ADK: variants seen among roughly 807,000 people sequenced by gnomAD.
ADK encodes adenosine kinase, also known as N6,N6-dimethyladenosine kinase.
ADK carries 24 observed loss-of-function variants against 44.7 expected under a neutral mutation model. The ratio of observed to expected loss-of-function variants is 0.54; its 90% CI spans 0.39 to 0.76. The LOEUF is 0.76. ADK is among the 30% of genes least tolerant of loss of function. ADK has a pLI of 0.00. For missense variants in ADK, 321 were observed against 425.1 expected, an observed-to-expected ratio of 0.76 and a Z score of 2.15; for synonymous variants, 128 against 142.6, an observed-to-expected ratio of 0.90 and a Z score of 0.73.
At chr10:74,662,989 G>A (rs532060263) in intron 9 of ADK, among the ~76,000 whole-genome samples, 282 of 152,100 alleles carry the variant, frequency 1.9e-3, no homozygotes, top group African/African-American at 6.5e-3. Context: ...AGCACTTTGG[G>A]AGGCCAAGGT....
At chr10:74,280,319 G>A (rs1335895690) in intron 3 of ADK, among the ~76,000 whole-genome samples, 2 of 151,772 alleles carry the variant, frequency 1.3e-5, no homozygotes, top group Non-Finnish European at 2.9e-5. Context: ...AGCCAGGATG[G>A]TATGGATCTC....
At chr10:74,621,687 G>A in intron 9 of ADK, among the ~76,000 whole-genome samples, 1 of 151,826 alleles carries the variant, frequency 6.6e-6, no homozygotes, top group South Asian at 2.1e-4. Context: ...TTTTGTTTTT[G>A]TTCGGTTTGG....
At chr10:74,435,836 T>C (rs757460216) in intron 6 of ADK, among the ~76,000 whole-genome samples, 3 of 152,072 alleles carry the variant, frequency 2.0e-5, no homozygotes, top group Non-Finnish European at 2.9e-5. Flanking sequence ...AAAAATAAAA[T>C]GAAATATTTT....
intron 1 of ADK, chr10:74,176,859 A>T: frequency 6.2e-7 from 1 of 1,608,572 alleles, no homozygotes; most frequent in Non-Finnish European, 8.5e-7. Flanking sequence ...GGCGCTGGGC[A>T]GGAGGGCGAA....
At chr10:74,358,175 T>G (rs1842207670) in intron 4 of ADK, among the ~76,000 whole-genome samples, 1 of 152,240 alleles carries the variant, frequency 6.6e-6, no homozygotes, top group African/African-American at 2.4e-5. Context: ...TTATTTCATA[T>G]CTTTATACTC....
At chr10:74,182,574 G>A (rs1842600176) in intron 1 of ADK, among the ~76,000 whole-genome samples, 1 of 152,008 alleles carries the variant, frequency 6.6e-6, no homozygotes, top group African/African-American at 2.4e-5. Flanking sequence ...TCATCGTATT[G>A]GTCAGGCTGG....
At chr10:74,517,869 C>G (rs571884772) in intron 6 of ADK, among the ~76,000 whole-genome samples, 1 of 152,128 alleles carries the variant, frequency 6.6e-6, no homozygotes, top group African/African-American at 2.4e-5. Flanking sequence ...TAGCTTTCTT[C>G]TTTTAGTAAT....
At chr10:74,429,065 A>G (rs1293570475) in intron 6 of ADK, among the ~76,000 whole-genome samples, 1 of 152,180 alleles carries the variant, frequency 6.6e-6, no homozygotes. Context: ...GGATAAAGGT[A>G]TTTTCTGTGT....
At chr10:74,191,755 A>G (rs1201607807) in intron 1 of ADK, among the ~76,000 whole-genome samples, 3 of 152,306 alleles carry the variant, frequency 2.0e-5, no homozygotes, top group Middle Eastern at 3.4e-3. Flanking sequence ...TAAATTAACT[A>G]TAGACGTTAT....
At chr10:74,515,656 C>T (rs1395804284) in intron 6 of ADK, among the ~76,000 whole-genome samples, 2 of 152,150 alleles carry the variant, frequency 1.3e-5, no homozygotes, top group Non-Finnish European at 2.9e-5. Context: ...GTCTGTTTCT[C>T]AGGTTCTGAT....
chr10:74,228,398 C>T (rs1018166534), intron 3 of ADK, among the ~76,000 whole-genome samples: 4 of 152,054 alleles, frequency 2.6e-5, no homozygotes, highest in Admixed American at 6.5e-5. Context: ...ATACATGATC[C>T]AGTAATCAAC....
intron 3 of ADK, among the ~76,000 whole-genome samples, chr10:74,298,358 G>A (rs1385697210): frequency 6.6e-6 from 1 of 152,096 alleles, no homozygotes; most frequent in Non-Finnish European, 1.5e-5. Flanking sequence ...CTAATGGTAA[G>A]TTAGTAAATT....
At chr10:74,381,553 G>A (rs1011066173) in intron 4 of ADK, among the ~76,000 whole-genome samples, 2 of 152,190 alleles carry the variant, frequency 1.3e-5, no homozygotes, top group African/African-American at 4.8e-5. Flanking sequence ...ACAGACGATT[G>A]TGTGTAATGC....
chr10:74,513,390 T>A (rs1334520757), intron 6 of ADK, among the ~76,000 whole-genome samples: 1 of 152,152 alleles, frequency 6.6e-6, no homozygotes. Context: ...GATCTAATAA[T>A]ATTTGCTTTA....
intron 3 of ADK, among the ~76,000 whole-genome samples, chr10:74,289,751 C>T (rs990537492): frequency 1.3e-5 from 2 of 151,154 alleles, no homozygotes; most frequent in African/African-American, 4.9e-5. Flanking sequence ...CTTTCTTAAT[C>T]GTGTGCTTTT....
chr10:74,373,894 C>T (rs1341961772), intron 4 of ADK, among the ~76,000 whole-genome samples: 2 of 152,072 alleles, frequency 1.3e-5, no homozygotes, highest in African/African-American at 4.8e-5. Context: ...AAGTGTGTTA[C>T]TGATAAATGA....
chr10:74,420,034 C>G (rs982466544), intron 6 of ADK, among the ~76,000 whole-genome samples: 1 of 152,154 alleles, frequency 6.6e-6, no homozygotes, highest in African/African-American at 2.4e-5. Context: ...ACCCCAGACA[C>G]TGCCACCAGG....
intron 9 of ADK, among the ~76,000 whole-genome samples, chr10:74,640,409 G>T (rs2134095390): frequency 6.6e-6 from 1 of 152,348 alleles, no homozygotes; most frequent in South Asian, 2.1e-4. Context: ...AGCATTCCTT[G>T]TGTGGAATGA....
chr10:74,199,967 C>T (rs777407666), intron 1 of ADK, among the ~76,000 whole-genome samples: 7 of 151,816 alleles, frequency 4.6e-5, no homozygotes, highest in Non-Finnish European at 8.8e-5. Flanking sequence ...TGTGAACCAC[C>T]GTGCCCAGCC....
Sources: allele counts gnomAD v4.1 joint callset (sites outside exome capture counted in the v4.1 genomes callset), GRCh38; gene constraint gnomAD v4.1.1; transcripts MANE v1.5; gene names NCBI Gene and HGNC (gene_info 2026-07-23, HGNC 2026-07-21).